Variants in CEP128 observed in about 807,000 individuals in gnomAD.
CEP128 encodes the protein centrosomal protein 128kDa.
In CEP128, 132 loss-of-function variants were observed where a neutral mutation model predicts 156.7. That is an observed-to-expected ratio of 0.84 (90% CI 0.73 to 0.97). The LOEUF (loss-of-function observed/expected upper bound fraction) is 0.97. Ranked by LOEUF, CEP128 falls within the 50% of genes least tolerant of loss-of-function variation. The probability of loss-of-function intolerance (pLI) is 0.00; values close to 1 mark genes in which losing one functional copy is unlikely to be tolerated. For synonymous variants in CEP128, 469 were observed against 448.9 expected (o/e 1.04, Z -0.57); for missense variants, 1,252 against 1,281.9 (o/e 0.98, Z 0.36).
chr14:80,549,423 C>T (rs1047905787), intron 21 of CEP128, among the ~76,000 whole-genome samples: 1 of 152,154 alleles, frequency 6.6e-6, no homozygotes, highest in Non-Finnish European at 1.5e-5. Flanking sequence ...GAGCACACTG[C>T]GTTTTATTTG....
intron 19 of CEP128, among the ~76,000 whole-genome samples, chr14:80,740,479 G>A (rs1898760700): frequency 8.1e-6 from 1 of 123,278 alleles, no homozygotes; most frequent in Admixed American, 8.1e-5. Context: ...CACACACACA[G>A]ATTCATATTT....
At chr14:80,906,226 T>A in intron 4 of CEP128, 145 bp from the exon 5 acceptor site, 2 of 586,466 alleles carry the variant, frequency 3.4e-6, no homozygotes, top group Non-Finnish European at 5.6e-6. Flanking sequence ...CTAAGTTATG[T>A]TTAAAATATA....
chr14:80,907,681 C>G (rs2139457705), intron 4 of CEP128, among the ~76,000 whole-genome samples: 1 of 148,662 alleles, frequency 6.7e-6, no homozygotes, highest in African/African-American at 2.5e-5. Context: ...AAAAAAAAAC[C>G]TCAGCATCAA....
chr14:80,587,498 A>C (rs988077365), intron 19 of CEP128, among the ~76,000 whole-genome samples: 3 of 152,194 alleles, frequency 2.0e-5, no homozygotes, highest in Non-Finnish European at 4.4e-5. Flanking sequence ...TTTCTGGTGA[A>C]ACTTTCCACT....
At chr14:80,864,029 G>T (rs1483021042) in intron 8 of CEP128, among the ~76,000 whole-genome samples, 1 of 152,182 alleles carries the variant, frequency 6.6e-6, no homozygotes, top group African/African-American at 2.4e-5. Flanking sequence ...GAGATAGCAA[G>T]ACCAATTCTT....
At chr14:80,735,226 C>T (rs749251659) in intron 19 of CEP128, among the ~76,000 whole-genome samples, 10 of 152,028 alleles carry the variant, frequency 6.6e-5, no homozygotes, top group African/African-American at 9.7e-5. Context: ...AATATGACTA[C>T]GTAATATCAA....
In CEP128 at chr14:80,526,953, A is replaced by G. The variant is rs1186888453; in HGVS notation, c.2988T>C (p.Asp996=). 1 of 1,603,170 alleles carries G rather than the reference A, an allele frequency of 6.2e-7. No homozygotes were observed. The highest frequency in any genetic ancestry group is 8.5e-7 in the Non-Finnish European group (1 of 1,173,254). ...RDSCSSSERT[D]GRYSKYRVRR... is the part of the protein sequence containing the mutation. ...GAACCCTGTATTTGGAATATCTTCCATCAGTTCTCTCAGATGAACTGCAGG... is the reference window on the plus strand; with the variant it reads ...GAACCCTGTATTTGGAATATCTTCCGTCAGTTCTCTCAGATGAACTGCAGG... The change falls in exon 23 of 25, where the codon GAT becomes GAC. Residue 996 remains aspartate (D), a synonymous_variant. Transcript: ENST00000555265.
chr14:80,531,095 A>C (rs1889205137), intron 21 of CEP128: 2 of 276,426 alleles, frequency 7.2e-6, no homozygotes, highest in East Asian at 1.2e-4. Flanking sequence ...AGTATATGAG[A>C]TGCATTTGCA....
intron 19 of CEP128, among the ~76,000 whole-genome samples, chr14:80,600,184 G>T (rs1892521838): frequency 6.6e-6 from 1 of 152,076 alleles, no homozygotes; most frequent in Admixed American, 6.6e-5. Flanking sequence ...AAAGAAAGTG[G>T]GGAAGAAACA....
At chr14:80,805,519 AT>A (rs1884126270) in intron 13 of CEP128, among the ~76,000 whole-genome samples, 2 of 152,280 alleles carry the variant, frequency 1.3e-5, no homozygotes, top group Admixed American at 1.3e-4. Flanking sequence ...CCTAACTGAT[AT>A]TATAAAGTTT....
At chr14:80,572,633 C>T (rs933228324) in intron 20 of CEP128, among the ~76,000 whole-genome samples, 2 of 152,036 alleles carry the variant, frequency 1.3e-5, no homozygotes, top group African/African-American at 4.8e-5. Flanking sequence ...CCCACTGACT[C>T]GAGACTGGCA....
At chr14:80,857,592 T>C (rs1595505868) in intron 9 of CEP128, among the ~76,000 whole-genome samples, 1 of 151,364 alleles carries the variant, frequency 6.6e-6, no homozygotes, top group Non-Finnish European at 1.5e-5. Flanking sequence ...AACAAAAAAA[T>C]CAGCTGGGCA....
chr14:80,507,957 C>CAG (rs1264787081), intron 23 of CEP128, among the ~76,000 whole-genome samples: 1 of 152,168 alleles, frequency 6.6e-6, no homozygotes, highest in African/African-American at 2.4e-5. Context: ...CTCTGTTGCC[C>CAG]AGGCTGGAGT....
intron 19 of CEP128, among the ~76,000 whole-genome samples, chr14:80,627,731 TATTA>T (rs575708377): frequency 0.013 from 1,731 of 130,856 alleles, 12 homozygotes; most frequent in Admixed American, 0.022. Context: ...TTTAATTAAT[TATTA>T]TTTTCTTTTT....
At chr14:80,652,293 C>T (rs1440307224) in intron 19 of CEP128, among the ~76,000 whole-genome samples, 1 of 152,084 alleles carries the variant, frequency 6.6e-6, no homozygotes, top group Non-Finnish European at 1.5e-5. Context: ...GCAAAGACTT[C>T]ATGACTAAAA....
chr14:80,814,539 G>A (rs1884740563), intron 13 of CEP128, among the ~76,000 whole-genome samples: 2 of 152,028 alleles, frequency 1.3e-5, no homozygotes, highest in South Asian at 4.2e-4. Context: ...TCTGGAAACT[G>A]TCCTAAGGGC....
intron 13 of CEP128, chr14:80,822,720 G>A (rs1885256369): frequency 8.2e-6 from 7 of 856,042 alleles, no homozygotes; most frequent in South Asian, 2.6e-5. Flanking sequence ...GGCAAGGAGG[G>A]GAATAGCCCT....
At chr14:80,923,383 T>C (rs2139543533) in intron 2 of CEP128, among the ~76,000 whole-genome samples, 1 of 152,326 alleles carries the variant, frequency 6.6e-6, no homozygotes, top group Middle Eastern at 3.4e-3. Flanking sequence ...AGTCCACCTC[T>C]TTTGTTATTT....
chr14:80,683,914 A>G (rs1161727739), intron 19 of CEP128, among the ~76,000 whole-genome samples: 1 of 152,158 alleles, frequency 6.6e-6, no homozygotes, highest in East Asian at 1.9e-4. Flanking sequence ...ACAGAGACAC[A>G]ACATACCAAA....
Sources: allele counts gnomAD v4.1 joint callset (sites outside exome capture counted in the v4.1 genomes callset), GRCh38; gene constraint gnomAD v4.1.1; transcripts MANE v1.5; gene names NCBI Gene and HGNC (gene_info 2026-07-23, HGNC 2026-07-21).